The following PTPRM variants were observed in gnomAD, a reference collection of about 807,000 sequenced individuals.
PTPRM encodes receptor-type tyrosine-protein phosphatase mu.
Under a neutral mutation model 186.7 loss-of-function variants are expected in PTPRM, and 47 were observed. That is an observed-to-expected ratio of 0.25 (90% CI 0.20 to 0.32). The LOEUF is 0.32. Ranked by LOEUF, PTPRM falls within the 10% of genes least tolerant of loss-of-function variation. The pLI is 1.00. For synonymous variants in PTPRM, 668 were observed against 674.9 expected, an observed-to-expected ratio of 0.99 and a Z score of 0.16; for missense variants, 1,494 against 1,865.0, an observed-to-expected ratio of 0.80 and a Z score of 3.66.
In PTPRM at chr18:8,392,738, A is replaced by T. The variant is rs367760617; in HGVS notation, c.4209-1738A>T. Among the ~76,000 whole-genome samples, 8 of 152,320 alleles carry T rather than the reference A, an allele frequency of 5.3e-5. No homozygotes were observed. The East Asian group carries it at 1.2e-3, about 22-fold the overall frequency. On this transcript the variant is annotated intron_variant, in intron 31 of 32. Coordinates refer to ENST00000580170, the MANE Select transcript of PTPRM (RefSeq NM_001105244.2). ...ATGTGGTTGCAGAGAGTAAAGAAAT[A>T]AAACAGGCTGGGGACTTGTCAGAAA...
In PTPRM at chr18:7,994,264, TAAC is replaced by T. The variant is rs1331582907; in HGVS notation, c.1132+38852_1132+38854del. Among the ~76,000 whole-genome samples, 3 of 101,176 alleles carry T rather than the reference TAAC, an allele frequency of 3.0e-5. No individual in the cohort carries two copies. The Admixed American group carries it at 3.2e-4, about 11-fold the overall frequency. 66.4% of individuals were successfully genotyped at this position (101,176 alleles called of 152,430 possible). On this transcript the variant is annotated intron_variant, in intron 7 of 32. Coordinates refer to ENST00000580170, the MANE Select transcript of PTPRM (RefSeq NM_001105244.2). Reference sequence around the variant, plus strand: ...GATCAATTCAGCAAGAGGATATAAATAACACACACACACACACACACACACACA... The same window carrying T: ...GATCAATTCAGCAAGAGGATATAAATACACACACACACACACACACACACA...
intron 19 of PTPRM, among the ~76,000 whole-genome samples, chr18:8,271,937 C>G (rs1260762546): frequency 6.6e-6 from 1 of 152,026 alleles, no homozygotes; most frequent in South Asian, 2.1e-4. Flanking sequence ...GTTGGCTGAG[C>G]GCAGTGGCTC....
chr18:7,878,856 C>G (rs202218972), intron 2 of PTPRM, among the ~76,000 whole-genome samples: 1 of 152,156 alleles, frequency 6.6e-6, no homozygotes, highest in South Asian at 2.1e-4. Flanking sequence ...GAAACTAACC[C>G]GTTTCTAAAG....
intron 2 of PTPRM, among the ~76,000 whole-genome samples, chr18:7,887,607 G>A (rs1197713199): frequency 6.6e-6 from 1 of 152,128 alleles, no homozygotes; most frequent in Non-Finnish European, 1.5e-5. Context: ...AGTGATTACT[G>A]AGTATTGCTA....
chr18:7,731,300 T>C (rs764687482), intron 1 of PTPRM, among the ~76,000 whole-genome samples: 1 of 152,226 alleles, frequency 6.6e-6, no homozygotes, highest in Non-Finnish European at 1.5e-5. Context: ...TCAATATCAG[T>C]TTAGTACTAT....
chr18:8,282,521 G>T (rs532873910), intron 19 of PTPRM, among the ~76,000 whole-genome samples: 44 of 152,256 alleles, frequency 2.9e-4, no homozygotes, highest in Admixed American at 5.9e-4. Flanking sequence ...AATTAGCTGG[G>T]TGTGGTGGTG....
In PTPRM at chr18:7,568,900, T is replaced by TG. The variant is rs2036504212; in HGVS notation, c.73+1010dup. On this transcript the variant is annotated intron_variant, in intron 1 of 32. Coordinates refer to ENST00000580170, the MANE Select transcript of PTPRM (RefSeq NM_001105244.2). This position sits in a 1 kb window ranked among gnomAD's most constrained non-coding sequence, Gnocchi z 5.1. The stretch of plus-strand genomic sequence containing the variant: ...GTGACACAGGTGGATAGACGGCAAA[T>TG]GCTGGCCCATTTGCACACCTTCTTT... Among the ~76,000 whole-genome samples, 1 of 152,180 alleles carries TG rather than the reference T, an allele frequency of 6.6e-6. No individual in the cohort carries two copies. Among genetic ancestry groups the TG allele is most frequent in the Non-Finnish European group, 1.5e-5 (1 of 68,030 alleles).
rs1568383391 is a variant in PTPRM at position 8,126,006 on chromosome 18, TA to T, written c.2167+11180del. The stretch of plus-strand genomic sequence containing the variant: ...ATATATATATATATATATATATATA[TA>T]TATATATATATATATATATATTTTA... On this transcript the variant is annotated intron_variant, in intron 13 of 32. Coordinates refer to ENST00000580170, the MANE Select transcript of PTPRM (RefSeq NM_001105244.2). Among the ~76,000 whole-genome samples, 167 of 23,940 alleles carry T rather than the reference TA, an allele frequency of 7.0e-3. 5 individuals are homozygous for T. The highest frequency in any genetic ancestry group is 0.014 in the African/African-American group (133 of 9,272). The allele number at this position is 23,940 out of a possible 152,430, so 15.7% of individuals were successfully genotyped here.
At chr18:8,377,621 T>C (rs1046180428) in intron 26 of PTPRM, 1 of 152,138 alleles carries the variant, frequency 6.6e-6, no homozygotes, top group Non-Finnish European at 1.5e-5. Flanking sequence ...GAATTAACTG[T>C]AATAAGAGGC....
chr18:7,758,913 A>G (rs2041636254), intron 1 of PTPRM, among the ~76,000 whole-genome samples: 1 of 152,196 alleles, frequency 6.6e-6, no homozygotes, highest in South Asian at 2.1e-4. Flanking sequence ...GGTAAAATGA[A>G]CATACTGTTT....
intron 1 of PTPRM, among the ~76,000 whole-genome samples, chr18:7,605,498 C>T (rs1451464359): frequency 2.0e-5 from 3 of 151,728 alleles, no homozygotes; most frequent in Non-Finnish European, 2.9e-5. Context: ...GTTCATAGCA[C>T]ATCATCATTC....
intron 1 of PTPRM, among the ~76,000 whole-genome samples, chr18:7,582,850 A>T (rs1034074072): frequency 7.2e-5 from 11 of 152,050 alleles, no homozygotes; most frequent in East Asian, 3.9e-4. Flanking sequence ...AATAATATGA[A>T]TTTTTTTCAA....
intron 1 of PTPRM, among the ~76,000 whole-genome samples, chr18:7,630,091 T>G: frequency 6.6e-6 from 1 of 152,016 alleles, no homozygotes; most frequent in East Asian, 1.9e-4. Context: ...GAAATTGAGG[T>G]GCCTGAGATG....
intron 1 of PTPRM, among the ~76,000 whole-genome samples, chr18:7,760,577 TA>T (rs1284804344): frequency 2.0e-5 from 3 of 152,174 alleles, no homozygotes; most frequent in African/African-American, 7.2e-5. Flanking sequence ...TGCTTTTTTT[TA>T]TAGACAGGAC....
At chr18:8,171,989 T>A (rs1000415706) in intron 14 of PTPRM, among the ~76,000 whole-genome samples, 1 of 152,208 alleles carries the variant, frequency 6.6e-6, no homozygotes, top group African/African-American at 2.4e-5. Flanking sequence ...GTTGTATGGA[T>A]ACTCGAAGTA....
chr18:8,080,013 G>T (rs753968352), intron 9 of PTPRM, among the ~76,000 whole-genome samples: 1 of 152,106 alleles, frequency 6.6e-6, no homozygotes, highest in Non-Finnish European at 1.5e-5. Context: ...GTAAGTATAT[G>T]GTAAAGTACC....
At chr18:8,008,421 T>C (rs1157770282) in intron 7 of PTPRM, among the ~76,000 whole-genome samples, 1 of 152,222 alleles carries the variant, frequency 6.6e-6, no homozygotes, top group East Asian at 1.9e-4. Context: ...TCCACTTTTT[T>C]GTTTTATATT....
chr18:7,652,647 G>T (rs184408747), intron 1 of PTPRM, among the ~76,000 whole-genome samples: 1 of 150,324 alleles, frequency 6.7e-6, no homozygotes, highest in Non-Finnish European at 1.5e-5. Flanking sequence ...GTAAACTATC[G>T]CAAGAACAAA....
intron 2 of PTPRM, among the ~76,000 whole-genome samples, chr18:7,783,155 T>C (rs1405346978): frequency 6.6e-6 from 1 of 152,210 alleles, no homozygotes; most frequent in African/African-American, 2.4e-5. Flanking sequence ...CATCTTTTAG[T>C]TAGCATCTGG....
Sources: allele counts gnomAD v4.1 joint callset (sites outside exome capture counted in the v4.1 genomes callset), GRCh38; gene constraint gnomAD v4.1.1; non-coding constraint Gnocchi (gnomAD v3.1); transcripts MANE v1.5; gene names NCBI Gene and HGNC (gene_info 2026-07-23, HGNC 2026-07-21).